Variants in ALS2 observed in about 807,000 individuals in gnomAD.
ALS2 encodes the protein alsin.
Under a neutral mutation model 203.4 loss-of-function variants are expected in ALS2, and 117 were observed. That is an observed-to-expected ratio of 0.58 (90% CI 0.50 to 0.67). The LOEUF (loss-of-function observed/expected upper bound fraction) is 0.67. Ranked by LOEUF, ALS2 falls within the 30% of genes least tolerant of loss-of-function variation. The pLI is 0.00. For missense variants in ALS2, 1,715 were observed against 1,989.4 expected (o/e 0.86, Z 2.62); for synonymous variants, 718 against 725.9 (o/e 0.99, Z 0.17).
chr2:201,746,140 C>T (rs1248973180), intron 9 of ALS2, among the ~76,000 whole-genome samples: 2 of 152,130 alleles, frequency 1.3e-5, no homozygotes, highest in Admixed American at 6.5e-5. Context: ...GAGGGCTCTA[C>T]GGCTGCAGTC....
At chr2:201,747,657 G>T (rs1030716692) in intron 8 of ALS2, among the ~76,000 whole-genome samples, 1 of 152,044 alleles carries the variant, frequency 6.6e-6, no homozygotes, top group Non-Finnish European at 1.5e-5. Context: ...CACCGTGTTA[G>T]CCAGGATGGT....
At chr2:201,725,757 G>A (rs1239311245) in intron 19 of ALS2, among the ~76,000 whole-genome samples, 1 of 152,154 alleles carries the variant, frequency 6.6e-6, no homozygotes, top group East Asian at 1.9e-4. Context: ...CATGCGGTAA[G>A]CCCAGGTATC....
intron 12 of ALS2, 71 bp downstream of exon 12, chr2:201,738,599 C>T (rs576619609): frequency 2.7e-6 from 4 of 1,459,812 alleles, no homozygotes; most frequent in Non-Finnish European, 2.9e-6. Context: ...CCTGAGCACT[C>T]GAAAACAGAG....
intron 28 of ALS2, 137 bp from the exon 29 acceptor site, chr2:201,707,159 CTT>C: frequency 1.3e-6 from 1 of 762,270 alleles, no homozygotes; most frequent in East Asian, 2.7e-5. Flanking sequence ...TTACTCTGCT[CTT>C]TACATATGGA....
Position 201,741,671 on chromosome 2 carries a change from T to A in ALS2, c.2351+3A>T. On this transcript the variant is annotated splice_donor_region_variant and intron_variant, in intron 11 of 33. Coordinates refer to ENST00000264276, the MANE Select transcript of ALS2 (RefSeq NM_020919.4). ...TGAACATGACACGGGACTGGATACT[T>A]GCTCTGTATAACTATCCAAGAAGAG... 6.2e-7 allele frequency: 1 copy of A among 1,613,972 alleles called. No individual in the cohort carries two copies. The highest frequency in any genetic ancestry group is 8.5e-7 in the Non-Finnish European group (1 of 1,179,886).
At chr2:201,733,010 A>C (rs1227949500) in intron 13 of ALS2, among the ~76,000 whole-genome samples, 2 of 152,222 alleles carry the variant, frequency 1.3e-5, no homozygotes, top group African/African-American at 4.8e-5. Context: ...GTAGCATCTG[A>C]TAGAGTCTCA....
At chr2:201,737,611 T>C (rs1209263289) in intron 12 of ALS2, among the ~76,000 whole-genome samples, 1 of 152,176 alleles carries the variant, frequency 6.6e-6, no homozygotes, top group Non-Finnish European at 1.5e-5. Context: ...ATTCCTTCTA[T>C]TAGGATAAAA....
intron 11 of ALS2, among the ~76,000 whole-genome samples, chr2:201,738,968 T>C (rs1032908240): frequency 6.6e-6 from 1 of 151,926 alleles, no homozygotes; most frequent in Non-Finnish European, 1.5e-5. Flanking sequence ...GCTGGTCACA[T>C]TGGCTCACAC....
Position 201,701,621 on chromosome 2 carries a change from GA to G in ALS2, c.*229del. 1 of 523,426 alleles carries G rather than the reference GA, an allele frequency of 1.9e-6. No individual in the cohort carries two copies. The highest frequency in any genetic ancestry group is 3.4e-6 in the Non-Finnish European group (1 of 291,970). The allele number at this position is 523,426 out of a possible 1,614,324, so 32.4% of individuals were successfully genotyped here. On this transcript the variant is annotated 3_prime_UTR_variant, in exon 34 of 34. Coordinates refer to ENST00000264276, the MANE Select transcript of ALS2 (RefSeq NM_020919.4). The stretch of plus-strand genomic sequence containing the variant: ...ATTTTTGGAACTTATCATAGGCCAA[GA>G]ACTGGTCTAATCTGATTTTTTACCT...
In ALS2 at chr2:201,727,706, C is replaced by T. The variant is rs1574708875; in HGVS notation, c.2911G>A (p.Val971Met). The T allele has an allele frequency of 1.3e-6, 2 of 1,551,604 alleles. No homozygotes were observed. Among genetic ancestry groups the T allele is most frequent in the Non-Finnish European group, 1.7e-6 (2 of 1,146,934 alleles). Residue 971 changes from valine (V) to methionine (M), a missense_variant and splice_region_variant, in exon 16 of 34, where the codon GTG becomes ATG. By Grantham distance (21) the Val-to-Met change is conservative (BLOSUM62 1). This residue lies in a region of ALS2 where 1,227 missense variants were observed against 1,413.5 expected (regional missense o/e 0.87). Transcript: ENST00000264276. ...AEPLSEEAGG[V>M]NGLKITTPEE... ...GGTGGGGAGGGGGGACGCACTTACACACCACCAGCTTCTTCAGACAGTGGC... is the reference window on the plus strand; with the variant it reads ...GGTGGGGAGGGGGGACGCACTTACATACCACCAGCTTCTTCAGACAGTGGC...
At chr2:201,714,107 C>A (rs540507047) in intron 25 of ALS2, among the ~76,000 whole-genome samples, 3 of 152,082 alleles carry the variant, frequency 2.0e-5, no homozygotes, top group Non-Finnish European at 2.9e-5. Context: ...TATAGCAAGA[C>A]CCTGTCTCTA....
At position 201,761,369 on chromosome 2, in the gene ALS2, C is replaced by G. The variant is rs1436755139; in HGVS notation, c.625G>C (p.Gly209Arg). 6.2e-7 allele frequency: 1 copy of G among 1,612,982 alleles called. No individual in the cohort carries two copies. The highest frequency in any genetic ancestry group is 1.7e-5 in the Admixed American group (1 of 59,998). ...ACAAGGGCTAAGCTGTGGAAAGCAC[C>G]ACAGGCAACTTGAAGCACCACTCGC... Reference protein sequence around the residue: ...AGRVVLQVACGAFHSLALVQC... With the variant: ...AGRVVLQVACRAFHSLALVQC... The change falls in exon 4 of 34, where the codon GGT becomes CGT. Residue 209 changes from glycine to arginine, a missense_variant. By Grantham distance (125) the Gly-to-Arg change is moderately radical. This residue lies in a region of ALS2 where 476 missense variants were observed against 539.3 expected (regional missense o/e 0.88). Transcript: ENST00000264276.
In ALS2 at chr2:201,757,590, G is replaced by T. The variant is rs886055454; in HGVS notation, c.1283C>A (p.Thr428Asn). 94 of 1,614,112 alleles carry T rather than the reference G, an allele frequency of 5.8e-5. No homozygotes were observed. The highest frequency in any genetic ancestry group is 7.6e-5 in the Non-Finnish European group (90 of 1,180,012). Reference sequence around the variant, plus strand: ...TGCCTGAGCTCCAGTTTCACAAGGGGTTGTACTATAAAAGTTCATAACTTT... The same window carrying T: ...TGCCTGAGCTCCAGTTTCACAAGGGTTTGTACTATAAAAGTTCATAACTTT... ...LKKVMNFYST[T>N]PCETGAQAGS... The change falls in exon 5 of 34, where the codon ACC becomes AAC. Residue 428 changes from threonine (T) to asparagine (N), a missense_variant. Coordinates refer to ENST00000264276, the MANE Select transcript of ALS2 (RefSeq NM_020919.4).
chr2:201,758,070 GAAGAA>G (rs1034160370), intron 4 of ALS2, among the ~76,000 whole-genome samples: 1 of 152,138 alleles, frequency 6.6e-6, no homozygotes, highest in African/African-American at 2.4e-5. Flanking sequence ...AAGGGAGGGA[GAAGAA>G]AAGGCATGGA....
intron 3 of ALS2, among the ~76,000 whole-genome samples, chr2:201,766,602 T>C (rs1265847061): frequency 6.6e-6 from 1 of 151,016 alleles, no homozygotes; most frequent in African/African-American, 2.4e-5. Context: ...TGAGCTGAGA[T>C]TGCACCATTG....
intron 24 of ALS2, among the ~76,000 whole-genome samples, chr2:201,716,139 G>A (rs894041601): frequency 6.6e-6 from 1 of 152,152 alleles, no homozygotes; most frequent in African/African-American, 2.4e-5. Flanking sequence ...CAGGTGTGGT[G>A]GCTCATGTCT....
At chr2:201,718,309 G>C in intron 23 of ALS2, 99 bp from the exon 24 acceptor site, 1 of 1,347,368 alleles carries the variant, frequency 7.4e-7, no homozygotes, top group African/African-American at 1.5e-5. Context: ...GCCCAGGCTG[G>C]AGTGCAGTGA....
At chr2:201,744,919 CT>C (rs1692530990) in intron 9 of ALS2, among the ~76,000 whole-genome samples, 1 of 152,070 alleles carries the variant, frequency 6.6e-6, no homozygotes, top group Non-Finnish European at 1.5e-5. Flanking sequence ...ATTAACCTGC[CT>C]TTTGTACAAT....
chr2:201,765,817 G>T (rs1694049014), intron 3 of ALS2: 1 of 166,950 alleles, frequency 6.0e-6, no homozygotes, highest in Non-Finnish European at 1.5e-5. Flanking sequence ...ATTGTGAATT[G>T]CTATTCATGC....
Sources: allele counts gnomAD v4.1 joint callset (sites outside exome capture counted in the v4.1 genomes callset), GRCh38; gene constraint gnomAD v4.1.1; regional missense constraint gnomAD v4.1.1; transcripts MANE v1.5; gene names NCBI Gene and HGNC (gene_info 2026-07-23, HGNC 2026-07-21).